Variants in ST6GALNAC3 observed in about 807,000 individuals in gnomAD.
ST6GALNAC3 encodes the protein ST6 N-acetylgalactosaminide alpha-2,6-sialyltransferase 3, also known as alpha-N-acetylgalactosaminide alpha-2,6-sialyltransferase 3.
Under a neutral mutation model 32.7 loss-of-function variants are expected in ST6GALNAC3, and 25 were observed. That is an observed-to-expected ratio of 0.76 (90% CI 0.56 to 1.07). The LOEUF (loss-of-function observed/expected upper bound fraction) is 1.07, where lower values mean the gene tolerates loss of function less well. Ranked by LOEUF, ST6GALNAC3 falls within the 50% of genes least tolerant of loss-of-function variation. The pLI is 0.00. For synonymous variants in ST6GALNAC3, 129 were observed against 133.1 expected (o/e 0.97, Z 0.21); for missense variants, 355 against 382.4 (o/e 0.93, Z 0.60).
intron 3 of ST6GALNAC3, among the ~76,000 whole-genome samples, chr1:76,599,449 G>GC (rs1485535742): frequency 6.9e-6 from 1 of 144,550 alleles, no homozygotes; most frequent in African/African-American, 2.6e-5. Context: ...CCCTCCCCTT[G>GC]CCCCCCACCC....
chr1:76,471,403 A>T (rs1054484568), intron 3 of ST6GALNAC3, among the ~76,000 whole-genome samples: 1 of 152,102 alleles, frequency 6.6e-6, no homozygotes, highest in African/African-American at 2.4e-5. Flanking sequence ...GTGCTTAAAA[A>T]TATGTTTTTC....
chr1:76,181,440 A>G (rs1653172415), intron 1 of ST6GALNAC3, among the ~76,000 whole-genome samples: 1 of 152,132 alleles, frequency 6.6e-6, no homozygotes, highest in Admixed American at 6.5e-5. Context: ...GACGTTTTGG[A>G]TGTAAATTTT....
intron 2 of ST6GALNAC3, among the ~76,000 whole-genome samples, chr1:76,320,693 G>A (rs1386001393): frequency 6.6e-6 from 1 of 151,982 alleles, no homozygotes; most frequent in African/African-American, 2.4e-5. Context: ...GAATGTGAGT[G>A]GGATTATGGA....
At chr1:76,165,719 G>A (rs181369987) in intron 1 of ST6GALNAC3, among the ~76,000 whole-genome samples, 19 of 152,192 alleles carry the variant, frequency 1.2e-4, no homozygotes, top group East Asian at 3.9e-4. Flanking sequence ...TCTGACTGGC[G>A]TGAGATGGCA....
At chr1:76,210,890 G>A (rs1199431046) in intron 1 of ST6GALNAC3, among the ~76,000 whole-genome samples, 1 of 152,156 alleles carries the variant, frequency 6.6e-6, no homozygotes, top group South Asian at 2.1e-4. Context: ...GGGGTTACAG[G>A]CACCTGTCAC....
chr1:76,367,371 C>T lies in ST6GALNAC3; in HGVS notation c.214-44637C>T, dbSNP rs532861447. Among the ~76,000 whole-genome samples the T allele has an allele frequency of 2.2e-4, 33 of 152,106 alleles. 1 individual carries two copies. The highest frequency in any genetic ancestry group is 6.2e-4 in the South Asian group (3 of 4,814). Reference sequence around the variant, plus strand: ...CAGATGGCAAGGAAAGAAACAATACCGTGTGGTAAGCACAGGGCACTAGGG... The same window carrying T: ...CAGATGGCAAGGAAAGAAACAATACTGTGTGGTAAGCACAGGGCACTAGGG... On this transcript the variant is annotated intron_variant, in intron 2 of 4. Coordinates refer to ENST00000328299, the MANE Select transcript of ST6GALNAC3 (RefSeq NM_152996.4).
At chr1:76,272,212 G>A (rs1429248878) in intron 1 of ST6GALNAC3, among the ~76,000 whole-genome samples, 1 of 150,664 alleles carries the variant, frequency 6.6e-6, no homozygotes, top group Admixed American at 6.7e-5. Context: ...TGTAGTCCCA[G>A]CTACTTCGGA....
intron 1 of ST6GALNAC3, among the ~76,000 whole-genome samples, chr1:76,270,397 C>A (rs192064979): frequency 8.2e-4 from 123 of 150,732 alleles, no homozygotes; most frequent in Non-Finnish European, 1.3e-3. Flanking sequence ...ATCCCAGCTA[C>A]TCAGGACGCT....
intron 3 of ST6GALNAC3, among the ~76,000 whole-genome samples, chr1:76,521,468 C>T (rs904937122): frequency 3.3e-5 from 5 of 152,040 alleles, no homozygotes; most frequent in African/African-American, 1.2e-4. Context: ...AAACCCCCTG[C>T]CTTAGCTTCT....
At chr1:76,290,640 G>T (rs567714893) in intron 1 of ST6GALNAC3, among the ~76,000 whole-genome samples, 39 of 152,270 alleles carry the variant, frequency 2.6e-4, no homozygotes, top group African/African-American at 8.7e-4. Context: ...AGGACCAGAA[G>T]CCAGGTCTTT....
chr1:76,215,319 A>T (rs1054379710), intron 1 of ST6GALNAC3, among the ~76,000 whole-genome samples: 2 of 152,250 alleles, frequency 1.3e-5, no homozygotes, highest in African/African-American at 4.8e-5. Context: ...TTAAAAAATA[A>T]TGTCATTCAC....
chr1:76,368,899 A>G (rs1168933271), intron 2 of ST6GALNAC3, among the ~76,000 whole-genome samples: 2 of 152,106 alleles, frequency 1.3e-5, no homozygotes, highest in Non-Finnish European at 1.5e-5. Context: ...TGTGTCTACT[A>G]ACAACTTGGT....
At chr1:76,315,271 T>C (rs536580854) in intron 2 of ST6GALNAC3, among the ~76,000 whole-genome samples, 1 of 152,278 alleles carries the variant, frequency 6.6e-6, no homozygotes, top group South Asian at 2.1e-4. Context: ...TTTGTTACTT[T>C]TATTTCTGGC....
At chr1:76,607,826 A>T (rs1470555013) in intron 3 of ST6GALNAC3, among the ~76,000 whole-genome samples, 1 of 152,136 alleles carries the variant, frequency 6.6e-6, no homozygotes, top group African/African-American at 2.4e-5. Flanking sequence ...GACACGCTAC[A>T]CAGCCATAAT....
chr1:76,308,294 C>T (rs1310688112), intron 1 of ST6GALNAC3, among the ~76,000 whole-genome samples: 3 of 152,112 alleles, frequency 2.0e-5, no homozygotes, highest in Non-Finnish European at 1.5e-5. Context: ...TTTTGTTTCT[C>T]GAGAGCTCAT....
chr1:76,126,453 T>TTTG (rs59791532), intron 1 of ST6GALNAC3, among the ~76,000 whole-genome samples: 6 of 146,118 alleles, frequency 4.1e-5, no homozygotes, highest in Non-Finnish European at 7.5e-5. Flanking sequence ...CCTTCCTTCC[T>TTTG]CTCTCTCTGT....
chr1:76,402,144 A>T (rs552663988), intron 2 of ST6GALNAC3, among the ~76,000 whole-genome samples: 1 of 152,276 alleles, frequency 6.6e-6, no homozygotes, highest in African/African-American at 2.4e-5. Flanking sequence ...AACAATAATG[A>T]AGTTGAATAT....
intron 2 of ST6GALNAC3, among the ~76,000 whole-genome samples, chr1:76,342,367 A>G (rs530117791): frequency 2.0e-5 from 3 of 152,270 alleles, no homozygotes; most frequent in South Asian, 2.1e-4. Context: ...CCTCTCCAGC[A>G]TCTGTTGTTT....
In ST6GALNAC3 at chr1:76,412,240, C is replaced by A. The variant is rs770992579; in HGVS notation, c.446C>A (p.Thr149Asn). 8.1e-6 allele frequency: 13 copies of A among 1,613,566 alleles called. No homozygotes were observed. Among genetic ancestry groups the A allele is most frequent in the Admixed American group, 1.7e-5 (1 of 59,920 alleles). ...GATTATTTTTTCAAGGAAGCGAATACTACTATTTATGTTATTTGGGGACCT... is the reference window on the plus strand; with the variant it reads ...GATTATTTTTTCAAGGAAGCGAATAATACTATTTATGTTATTTGGGGACCT... ...NPDYFFKEAN[T>N]TIYVIWGPFR... The change falls in exon 3 of 5, where the codon ACT (threonine) becomes AAT (asparagine). Residue 149 changes from threonine to asparagine, a missense_variant. Coordinates refer to ENST00000328299, the MANE Select transcript of ST6GALNAC3 (RefSeq NM_152996.4).
Sources: allele counts gnomAD v4.1 joint callset (sites outside exome capture counted in the v4.1 genomes callset), GRCh38; gene constraint gnomAD v4.1.1; transcripts MANE v1.5; gene names NCBI Gene and HGNC (gene_info 2026-07-23, HGNC 2026-07-21).